ZFAND3: variants seen among roughly 807,000 people sequenced by gnomAD.
The protein encoded by ZFAND3 is zinc finger AN1-type containing 3.
Under a neutral mutation model 29.6 loss-of-function variants are expected in ZFAND3, and 10 were observed. The ratio of observed to expected loss-of-function variants is 0.34; its 90% CI spans 0.21 to 0.57. ZFAND3 has a LOEUF of 0.57. Ranked by LOEUF, ZFAND3 falls within the 20% of genes least tolerant of loss-of-function variation. The probability of loss-of-function intolerance (pLI) is 0.86; values close to 1 mark genes in which losing one functional copy is unlikely to be tolerated. For missense variants in ZFAND3, 230 were observed against 304.5 expected (o/e 0.76, Z 1.82); for synonymous variants, 128 against 112.6 (o/e 1.14, Z -0.87).
rs115054801 is a variant in ZFAND3 at position 38,030,597 on chromosome 6, A to G, written c.113-30996A>G. ...ACCAGCAACTGATTGTTCAACAGAA[A>G]CAATGAACTCCAGAAGGCAGTAGGA... is the stretch of plus-strand genomic sequence containing the variant. On this transcript the variant is annotated intron_variant, in intron 2 of 5. Coordinates refer to ENST00000287218, the MANE Select transcript of ZFAND3 (RefSeq NM_021943.3). 3.1e-3 allele frequency among the ~76,000 whole-genome samples: 467 copies of G among 152,314 alleles called. 3 individuals are homozygous for G. The highest frequency in any genetic ancestry group is 0.011 in the African/African-American group (444 of 41,566).
chr6:37,888,677 C>CG (rs542093894), intron 1 of ZFAND3, among the ~76,000 whole-genome samples: 229 of 152,142 alleles, frequency 1.5e-3, no homozygotes, highest in African/African-American at 5.2e-3. Context: ...TTACTATTTG[C>CG]GGAAAGGTTA....
At chr6:38,141,446 C>G (rs1473075885) in intron 5 of ZFAND3, among the ~76,000 whole-genome samples, 1 of 152,200 alleles carries the variant, frequency 6.6e-6, no homozygotes, top group Admixed American at 6.5e-5. Context: ...GGAAAGTTTC[C>G]GTGTCCCTTT....
At chr6:37,871,036 A>G (rs1764686863) in intron 1 of ZFAND3, among the ~76,000 whole-genome samples, 1 of 152,118 alleles carries the variant, frequency 6.6e-6, no homozygotes, top group Non-Finnish European at 1.5e-5. Flanking sequence ...CGTTTGGGAA[A>G]ATTTTGGTCA....
intron 2 of ZFAND3, among the ~76,000 whole-genome samples, chr6:38,030,051 G>GATATATAT (rs58560520): frequency 2.2e-4 from 21 of 94,972 alleles, no homozygotes; most frequent in East Asian, 4.8e-4. Flanking sequence ...AGTTCTGCTG[G>GATATATAT]ATATATATAT....
intron 1 of ZFAND3, among the ~76,000 whole-genome samples, chr6:37,896,965 T>G (rs551065462): frequency 1.3e-5 from 2 of 152,118 alleles, no homozygotes; most frequent in African/African-American, 4.8e-5. Flanking sequence ...AAGTTTTTTT[T>G]CCCTAGAAGT....
intron 3 of ZFAND3, among the ~76,000 whole-genome samples, chr6:38,065,056 C>T (rs141417517): frequency 2.0e-5 from 3 of 152,262 alleles, no homozygotes; most frequent in South Asian, 2.1e-4. Flanking sequence ...ACATGGCTCA[C>T]GCCTGTAATC....
intron 2 of ZFAND3, among the ~76,000 whole-genome samples, chr6:37,950,817 G>A (rs1359059226): frequency 6.6e-6 from 1 of 152,160 alleles, no homozygotes; most frequent in Admixed American, 6.5e-5. Context: ...CTCCAACTTT[G>A]TTCTTTTTGC....
chr6:38,079,381 A>G (rs1764614713), intron 3 of ZFAND3, among the ~76,000 whole-genome samples: 1 of 152,214 alleles, frequency 6.6e-6, no homozygotes, highest in African/African-American at 2.4e-5. Context: ...GAACACCTTC[A>G]TGATGATGCA....
At chr6:37,978,158 C>G (rs1197480419) in intron 2 of ZFAND3, among the ~76,000 whole-genome samples, 1 of 152,054 alleles carries the variant, frequency 6.6e-6, no homozygotes, top group Non-Finnish European at 1.5e-5. Context: ...CAGTCTCGAA[C>G]TGAGACTGTG....
chr6:37,853,892 A>G (rs1764328435), intron 1 of ZFAND3, among the ~76,000 whole-genome samples: 1 of 152,226 alleles, frequency 6.6e-6, no homozygotes, highest in African/African-American at 2.4e-5. Context: ...TATAATAAGA[A>G]TGTATTTTTA....
intron 2 of ZFAND3, among the ~76,000 whole-genome samples, chr6:37,969,974 T>C (rs1762358262): frequency 6.6e-6 from 1 of 152,126 alleles, no homozygotes; most frequent in Non-Finnish European, 1.5e-5. Context: ...GAGACCAGCC[T>C]GGCCAACATG....
intron 2 of ZFAND3, among the ~76,000 whole-genome samples, chr6:38,009,908 A>G (rs1340396659): frequency 6.6e-6 from 1 of 152,186 alleles, no homozygotes; most frequent in Non-Finnish European, 1.5e-5. Context: ...TTTTGCTGAA[A>G]TGAGAATTTG....
intron 1 of ZFAND3, among the ~76,000 whole-genome samples, chr6:37,877,511 A>G (rs1003968333): frequency 7.9e-5 from 12 of 151,108 alleles, no homozygotes; most frequent in African/African-American, 2.9e-4. Flanking sequence ...TGTTTTTGCA[A>G]GCCTTGTGAT....
chr6:37,974,400 CTCT>C (rs146289025), intron 2 of ZFAND3, among the ~76,000 whole-genome samples: 34,559 of 99,296 alleles, frequency 0.35, 4,479 homozygotes, highest in East Asian at 0.57. Context: ...CTCTCTCTCT[CTCT>C]TTTTTTTTTT....
intron 3 of ZFAND3, among the ~76,000 whole-genome samples, chr6:38,068,116 T>C (rs190637700): frequency 1.3e-5 from 2 of 152,152 alleles, no homozygotes; most frequent in East Asian, 1.9e-4. Context: ...TCTGTGGAGG[T>C]ACATACTAAG....
At position 37,886,280 on chromosome 6, in the gene ZFAND3, A is replaced by AAAAAAAAAAAAAAAAAC. The variant is rs1561922411; in HGVS notation, c.72-43678_72-43677insAAAAAAAAAAAAAAACA. Among the ~76,000 whole-genome samples the AAAAAAAAAAAAAAAAAC allele has an allele frequency of 9.3e-5, 12 of 128,932 alleles. 1 individual carries two copies. Among genetic ancestry groups the AAAAAAAAAAAAAAAAAC allele is most frequent in the African/African-American group, 3.3e-4 (11 of 33,040 alleles). 84.6% of individuals were successfully genotyped at this position (128,932 alleles called of 152,430 possible). On this transcript the variant is annotated intron_variant, in intron 1 of 5. Transcript: ENST00000287218. The stretch of plus-strand genomic sequence containing the variant: ...AAAAAAAAAAAAAAAAAAAAAAAAA[A>AAAAAAAAAAAAAAAAAC]AGTTCAAAGAATATGCTGTTACTCA...
At chr6:37,890,985 G>A (rs556208555) in intron 1 of ZFAND3, among the ~76,000 whole-genome samples, 1 of 152,078 alleles carries the variant, frequency 6.6e-6, no homozygotes, top group Non-Finnish European at 1.5e-5. Flanking sequence ...CAACTTTATC[G>A]AAACTCTCAA....
intron 4 of ZFAND3, among the ~76,000 whole-genome samples, chr6:38,115,150 G>C (rs185528425): frequency 4.0e-4 from 61 of 152,326 alleles, no homozygotes; most frequent in African/African-American, 1.3e-3. Flanking sequence ...CAGCAGGGCT[G>C]GGGGACTGTG....
chr6:38,134,411 A>G (rs545717878), intron 5 of ZFAND3, among the ~76,000 whole-genome samples: 13 of 152,130 alleles, frequency 8.5e-5, no homozygotes, highest in South Asian at 2.1e-4. Flanking sequence ...ACCTTCAGCT[A>G]TTTTTCTCTG....
Sources: allele counts gnomAD v4.1 joint callset (sites outside exome capture counted in the v4.1 genomes callset), GRCh38; gene constraint gnomAD v4.1.1; transcripts MANE v1.5; gene names NCBI Gene and HGNC (gene_info 2026-07-23, HGNC 2026-07-21).